Variants in RAB30 observed in about 807,000 individuals in gnomAD.
The protein encoded by RAB30 is ras-related protein Rab-30.
Under a neutral mutation model 25.1 loss-of-function variants are expected in RAB30, and 9 were observed. The ratio of observed to expected loss-of-function variants is 0.36; its 90% confidence interval spans 0.22 to 0.63. The LOEUF (loss-of-function observed/expected upper bound fraction) is 0.63. Among genes scored for constraint, RAB30 ranks in the 20% least tolerant of loss-of-function variants. RAB30 has a pLI of 0.69. For missense variants in RAB30, 140 were observed against 243.5 expected (o/e 0.58, Z 2.83); for synonymous variants, 77 against 86.4 (o/e 0.89, Z 0.60).
chr11:83,025,394 GCTGA>G (rs1857686273), intron 1 of RAB30, among the ~76,000 whole-genome samples: 2 of 152,202 alleles, frequency 1.3e-5, no homozygotes, highest in Non-Finnish European at 1.5e-5. Context: ...TCTGCAACCT[GCTGA>G]CTGTGTAAAA....
chr11:83,061,889 G>A (rs145257160), intron 1 of RAB30, among the ~76,000 whole-genome samples: 6 of 151,338 alleles, frequency 4.0e-5, no homozygotes, highest in East Asian at 1.9e-4. Flanking sequence ...GAAAGGTTTC[G>A]AATTAAGTTG....
chr11:83,053,026 T>G (rs957030318), intron 1 of RAB30, among the ~76,000 whole-genome samples: 2 of 152,188 alleles, frequency 1.3e-5, no homozygotes, highest in Non-Finnish European at 2.9e-5. Flanking sequence ...GAACTGGAGC[T>G]GTCCTTCAGT....
At chr11:83,011,896 T>G (rs1857311945) in intron 1 of RAB30, among the ~76,000 whole-genome samples, 1 of 152,068 alleles carries the variant, frequency 6.6e-6, no homozygotes. Context: ...AGGCCTAATG[T>G]GCACCCATAT....
At chr11:83,042,805 GA>G (rs1403943442) in intron 1 of RAB30, among the ~76,000 whole-genome samples, 2 of 152,128 alleles carry the variant, frequency 1.3e-5, no homozygotes, top group African/African-American at 4.8e-5. Context: ...CAGATTGTGA[GA>G]TATTGTTAAG....
chr11:83,070,704 C>G (rs1858819601), intron 1 of RAB30, among the ~76,000 whole-genome samples: 1 of 152,192 alleles, frequency 6.6e-6, no homozygotes, highest in Admixed American at 6.5e-5. Context: ...GCTTTCTCTC[C>G]TGTTAAATGT....
intron 1 of RAB30, among the ~76,000 whole-genome samples, chr11:83,008,379 C>T (rs1857232246): frequency 6.6e-6 from 1 of 152,146 alleles, no homozygotes; most frequent in African/African-American, 2.4e-5. Context: ...TCCACATGCT[C>T]AGCAACCTGA....
At chr11:83,068,533 A>C (rs1172482381) in intron 1 of RAB30, among the ~76,000 whole-genome samples, 1 of 152,166 alleles carries the variant, frequency 6.6e-6, no homozygotes, top group Non-Finnish European at 1.5e-5. Flanking sequence ...GGTTCTCATT[A>C]GCCTTAGGAT....
At chr11:83,041,985 T>C (rs1858128151) in intron 1 of RAB30, among the ~76,000 whole-genome samples, 1 of 146,294 alleles carries the variant, frequency 6.8e-6, no homozygotes, top group African/African-American at 2.6e-5. Flanking sequence ...GAGGTTGCAG[T>C]GACCACTGCA....
intron 1 of RAB30, among the ~76,000 whole-genome samples, chr11:83,069,119 G>A (rs997282285): frequency 6.6e-6 from 1 of 152,146 alleles, no homozygotes; most frequent in Non-Finnish European, 1.5e-5. Context: ...TAAGTAAACC[G>A]AAGCAGAAAG....
intron 1 of RAB30, among the ~76,000 whole-genome samples, chr11:83,062,832 C>T (rs900051809): frequency 6.6e-6 from 1 of 151,632 alleles, no homozygotes; most frequent in Non-Finnish European, 1.5e-5. Context: ...GGAACCCCAT[C>T]TCTACTAAAA....
chr11:83,052,941 T>C (rs1411821388), intron 1 of RAB30, among the ~76,000 whole-genome samples: 2 of 152,136 alleles, frequency 1.3e-5, no homozygotes, highest in African/African-American at 4.8e-5. Context: ...CAAGGCAATA[T>C]TAATATATTA....
At chr11:83,049,151 C>G (rs978552754) in intron 1 of RAB30, among the ~76,000 whole-genome samples, 20 of 152,264 alleles carry the variant, frequency 1.3e-4, no homozygotes, top group African/African-American at 4.8e-4. Flanking sequence ...GTGGCTCACA[C>G]CTGTGATCCC....
intron 1 of RAB30, among the ~76,000 whole-genome samples, chr11:83,000,307 G>A (rs2121469639): frequency 6.6e-6 from 1 of 152,296 alleles, no homozygotes; most frequent in Non-Finnish European, 1.5e-5. Flanking sequence ...ATGAAGGCAA[G>A]CACTTAATCA....
chr11:83,044,151 C>A (rs1858189261), intron 1 of RAB30, among the ~76,000 whole-genome samples: 2 of 152,082 alleles, frequency 1.3e-5, no homozygotes, highest in Non-Finnish European at 2.9e-5. Context: ...AACAAATATT[C>A]CTGTGTTTCT....
chr11:83,005,995 A>G (rs568161669), intron 1 of RAB30, among the ~76,000 whole-genome samples: 37 of 152,170 alleles, frequency 2.4e-4, no homozygotes, highest in African/African-American at 8.4e-4. Flanking sequence ...AATTCAAACT[A>G]TAGTAAATTT....
At chr11:83,020,009 G>A (rs1452935376) in intron 1 of RAB30, among the ~76,000 whole-genome samples, 1 of 152,258 alleles carries the variant, frequency 6.6e-6, no homozygotes, top group African/African-American at 2.4e-5. Flanking sequence ...GGCCAGGACT[G>A]CATGTTCCAT....
At chr11:83,043,613 TA>T (rs1424427048) in intron 1 of RAB30, among the ~76,000 whole-genome samples, 1 of 152,198 alleles carries the variant, frequency 6.6e-6, no homozygotes, top group Non-Finnish European at 1.5e-5. Flanking sequence ...TATTTAGAGA[TA>T]AAGGATCATG....
intron 1 of RAB30, among the ~76,000 whole-genome samples, chr11:83,012,995 C>T (rs113770428): frequency 2.0e-5 from 3 of 152,306 alleles, no homozygotes; most frequent in Non-Finnish European, 4.4e-5. Flanking sequence ...CCCCCACCCT[C>T]CCTGTGAATT....
chr11:82,991,321 G>A (rs1856845787), intron 3 of RAB30, among the ~76,000 whole-genome samples: 1 of 151,954 alleles, frequency 6.6e-6, no homozygotes. Flanking sequence ...GCAACATAGT[G>A]AGACCCCATC....
Sources: allele counts gnomAD v4.1 joint callset (sites outside exome capture counted in the v4.1 genomes callset), GRCh38; gene constraint gnomAD v4.1.1; transcripts MANE v1.5; gene names NCBI Gene and HGNC (gene_info 2026-07-23, HGNC 2026-07-21).